Variants in HGF observed in about 807,000 individuals in gnomAD.
HGF encodes hepatocyte growth factor.
A neutral mutation model predicts 111.6 loss-of-function variants in HGF; 39 were observed. The ratio of observed to expected loss-of-function variants is 0.35; its 90% CI spans 0.27 to 0.46. The LOEUF (loss-of-function observed/expected upper bound fraction) is 0.46, where lower values mean the gene tolerates loss of function less well. HGF is among the 20% of genes least tolerant of loss of function. The pLI, the probability that HGF is intolerant of heterozygous loss-of-function variation, is 1.00. For synonymous variants in HGF, 285 were observed against 294.8 expected, an observed-to-expected ratio of 0.97 and a Z score of 0.34; for missense variants, 735 against 910.5, an observed-to-expected ratio of 0.81 and a Z score of 2.48.
At chr7:81,759,039 T>C (rs532072130) in intron 2 of HGF, among the ~76,000 whole-genome samples, 1 of 152,248 alleles carries the variant, frequency 6.6e-6, no homozygotes, top group South Asian at 2.1e-4. Context: ...TTGAATACTC[T>C]TTGGAATATT....
chr7:81,767,577 G>C (rs1445946375), intron 1 of HGF, among the ~76,000 whole-genome samples: 1 of 152,090 alleles, frequency 6.6e-6, no homozygotes, highest in Non-Finnish European at 1.5e-5. Context: ...ACAGAGGATT[G>C]GATATTTGTT....
rs143891160 is a variant in HGF, at chr7:81,752,151, G to A, written c.594C>T (p.Tyr198=). Reference sequence around the variant, plus strand: ...AACACTGAGGAATGTCACAGACTTCGTAGCGTACCTCTGGATTGCTTGTGA... The same window carrying A: ...AACACTGAGGAATGTCACAGACTTCATAGCGTACCTCTGGATTGCTTGTGA... ...WCFTSNPEVR[Y]EVCDIPQCSE... The change falls in exon 5 of 18, where the codon TAC becomes TAT. Residue 198 remains tyrosine, a synonymous_variant. Transcript: ENST00000222390. 10 of 1,613,420 alleles carry A rather than the reference G, an allele frequency of 6.2e-6. No homozygotes were observed. The highest frequency in any genetic ancestry group is 8.5e-6 in the Non-Finnish European group (10 of 1,179,602).
At chr7:81,728,820 C>A (rs980623975) in intron 8 of HGF, among the ~76,000 whole-genome samples, 2 of 152,068 alleles carry the variant, frequency 1.3e-5, no homozygotes, top group African/African-American at 4.8e-5. Flanking sequence ...TTACATAAAG[C>A]CAATATATGT....
chr7:81,733,823 CT>C (rs1466425551), intron 7 of HGF, among the ~76,000 whole-genome samples: 1 of 152,110 alleles, frequency 6.6e-6, no homozygotes, highest in Non-Finnish European at 1.5e-5. Context: ...AATGTTTGAT[CT>C]TTGCTGCTCA....
rs779906703 is a variant in HGF at position 81,757,279 on chromosome 7, C to T, written c.392G>A (p.Gly131Asp). Reference protein sequence around the residue: ...NKDYIRNCIIGKGRSYKGTVS... With the variant: ...NKDYIRNCIIDKGRSYKGTVS... ...TGTTCCCTTGTAGCTGCGTCCTTTA[C>T]CAATGATGCAGTTTCTAATGTAGTC... The change falls in exon 4 of 18, where the codon GGT becomes GAT. Residue 131 changes from glycine to aspartate, a missense_variant. Gly to Asp is a moderately conservative substitution (Grantham distance 94). Transcript: ENST00000222390. 10 of 1,592,032 alleles carry T rather than the reference C, an allele frequency of 6.3e-6. No individual in the cohort carries two copies. Among genetic ancestry groups the T allele is most frequent in the African/African-American group, 1.3e-5 (1 of 74,488 alleles).
chr7:81,734,459 T>G (rs1787761108), intron 7 of HGF, among the ~76,000 whole-genome samples: 1 of 152,180 alleles, frequency 6.6e-6, no homozygotes, highest in Admixed American at 6.5e-5. Flanking sequence ...CTTGGAACAT[T>G]AATTTCACTT....
At chr7:81,747,885 A>G (rs929177872) in intron 5 of HGF, among the ~76,000 whole-genome samples, 1 of 152,130 alleles carries the variant, frequency 6.6e-6, no homozygotes, top group Admixed American at 6.5e-5. Context: ...CTGAGCCGAG[A>G]TGGTGCCACT....
chr7:81,711,244 T>C (rs540565176), intron 12 of HGF, among the ~76,000 whole-genome samples: 4 of 152,340 alleles, frequency 2.6e-5, no homozygotes, highest in South Asian at 4.1e-4. Context: ...AAATCACATA[T>C]ACCATCTTAT....
chr7:81,710,344 A>G, intron 12 of HGF, 101 bp from the exon 13 acceptor site: 1 of 801,190 alleles, frequency 1.2e-6, no homozygotes, highest in South Asian at 1.4e-5. Flanking sequence ...AAATGTAACT[A>G]TTCTTATTGT....
intron 7 of HGF, 91 bp from the exon 8 acceptor site, chr7:81,729,870 CA>C (rs1479032016): frequency 1.7e-6 from 2 of 1,198,958 alleles, no homozygotes; most frequent in Admixed American, 2.2e-5. Context: ...TTTGTATTAG[CA>C]GATTTTTTTT....
chr7:81,753,636 C>T (rs1788609652), intron 4 of HGF, among the ~76,000 whole-genome samples: 1 of 151,878 alleles, frequency 6.6e-6, no homozygotes. Flanking sequence ...GTTAAGTCTT[C>T]AGAAAATATA....
In HGF at chr7:81,702,679, A is replaced by G; in HGVS notation, c.2089T>C (p.Cys697Arg). The change falls in exon 18 of 18, where the codon TGT becomes CGT. Residue 697 changes from cysteine to arginine, a missense_variant. Cys to Arg is a radical substitution (Grantham distance 180, BLOSUM62 -3). Around this residue, in one of 3 missense-constraint regions of HGF, gnomAD observed 52 missense variants for 95.0 expected, o/e 0.55. Coordinates refer to ENST00000222390, the MANE Select transcript of HGF (RefSeq NM_000601.6). ...VLGVIVPGRG[C>R]AIPNRPGIFV... ...ATACCAGGACGATTTGGAATGGCAC[A>G]TCCACGACCAGGAACAATGACACCA... is the stretch of plus-strand genomic sequence containing the variant. The G allele has an allele frequency of 6.2e-7, 1 of 1,611,852 alleles. No homozygotes were observed. Among genetic ancestry groups the G allele is most frequent in the Non-Finnish European group, 8.5e-7 (1 of 1,178,434 alleles).
At chr7:81,741,346 A>G (rs1231857750) in intron 7 of HGF, among the ~76,000 whole-genome samples, 1 of 152,220 alleles carries the variant, frequency 6.6e-6, no homozygotes. Context: ...CATTGGAATT[A>G]TATAGCATGT....
chr7:81,718,481 C>T (rs980615668), intron 10 of HGF, among the ~76,000 whole-genome samples: 1 of 152,140 alleles, frequency 6.6e-6, no homozygotes, highest in Admixed American at 6.6e-5. Context: ...TGCTCAAAAC[C>T]GCCATGCTCT....
chr7:81,756,243 G>A lies in HGF; in HGVS notation c.482+946C>T. ...TGTTTTTATGCTTCAGTTTTGTCAT[G>A]TAGGTAAAATAGAACCAATAAAACT... On this transcript the variant is annotated intron_variant, in intron 4 of 17. Coordinates refer to ENST00000222390, the MANE Select transcript of HGF (RefSeq NM_000601.6). 3 of 564,482 alleles carry A rather than the reference G, an allele frequency of 5.3e-6. No homozygotes were observed. In the South Asian group the frequency reaches 6.9e-5, roughly 13 times the overall value. The allele number at this position is 564,482 out of a possible 1,614,324, so 35.0% of individuals were successfully genotyped here. A position where few individuals can be genotyped will look rare whatever the true frequency, so the allele number is the denominator to read the frequency against.
At position 81,702,228 on chromosome 7, in the gene HGF, T is replaced by C. The variant is rs537468151; in HGVS notation, c.*353A>G. Reference sequence around the variant, plus strand: ...AACATTTAATTTGTGGTTTACTCATTATTAAGAAACCAACATCAGAAAGCA... The same window carrying C: ...AACATTTAATTTGTGGTTTACTCATCATTAAGAAACCAACATCAGAAAGCA... On this transcript the variant is annotated 3_prime_UTR_variant, in exon 18 of 18. Coordinates refer to ENST00000222390, the MANE Select transcript of HGF (RefSeq NM_000601.6). The C allele has an allele frequency of 3.9e-6, 1 of 256,466 alleles. No individual in the cohort carries two copies. The highest frequency in any genetic ancestry group is 5.7e-5 in the East Asian group (1 of 17,570). 15.9% of individuals were successfully genotyped at this position (256,466 alleles called of 1,614,324 possible).
chr7:81,727,038 GT>G (rs1181461260), intron 8 of HGF, among the ~76,000 whole-genome samples: 20 of 92,340 alleles, frequency 2.2e-4, no homozygotes, highest in African/African-American at 3.4e-4. Flanking sequence ...CGAAACTGAG[GT>G]TTTTTTTTTG....
intron 4 of HGF, chr7:81,755,909 T>C: frequency 1.5e-6 from 1 of 662,072 alleles, no homozygotes; most frequent in Non-Finnish European, 2.7e-6. Flanking sequence ...GCCAAGATCA[T>C]AGGTTTAATC....
intron 7 of HGF, among the ~76,000 whole-genome samples, chr7:81,735,969 A>T (rs531319088): frequency 7.3e-4 from 111 of 152,134 alleles, no homozygotes; most frequent in Middle Eastern, 3.4e-3. Flanking sequence ...ATTTAACATT[A>T]ATTACCACTT....
Sources: allele counts gnomAD v4.1 joint callset (sites outside exome capture counted in the v4.1 genomes callset), GRCh38; gene constraint gnomAD v4.1.1; regional missense constraint gnomAD v4.1.1; transcripts MANE v1.5; gene names NCBI Gene and HGNC (gene_info 2026-07-23, HGNC 2026-07-21).